Variants in DLGAP1 observed in about 807,000 individuals in gnomAD.
The protein encoded by DLGAP1 is disks large-associated protein 1.
DLGAP1 carries 11 observed loss-of-function variants against 90.8 expected under a neutral mutation model. That is an observed-to-expected ratio of 0.12 (90% CI 0.08 to 0.20). DLGAP1 has a LOEUF of 0.20. DLGAP1 is among the 10% of genes least tolerant of loss of function. DLGAP1 has a pLI of 1.00. For missense variants in DLGAP1, 1,050 were observed against 1,333.8 expected (o/e 0.79, Z 3.31); for synonymous variants, 558 against 540.7 (o/e 1.03, Z -0.44).
intron 8 of DLGAP1, among the ~76,000 whole-genome samples, chr18:3,572,719 G>A (rs2054885529): frequency 6.6e-6 from 1 of 152,088 alleles, no homozygotes; most frequent in Admixed American, 6.6e-5. Context: ...CAAAATACTG[G>A]GATTACAGGT....
At chr18:4,173,148 T>TGG (rs2077051109) in intron 1 of DLGAP1, among the ~76,000 whole-genome samples, 1 of 152,218 alleles carries the variant, frequency 6.6e-6, no homozygotes, top group Non-Finnish European at 1.5e-5. Context: ...GGTGATGATG[T>TGG]CATCCTGAGG....
At chr18:3,916,915 G>A (rs1281570131) in intron 3 of DLGAP1, among the ~76,000 whole-genome samples, 1 of 152,202 alleles carries the variant, frequency 6.6e-6, no homozygotes, top group Non-Finnish European at 1.5e-5. Flanking sequence ...TGATGGTTTG[G>A]TGTAGGATTT....
chr18:4,348,009 T>A (rs757109973), intron 1 of DLGAP1, among the ~76,000 whole-genome samples: 4 of 152,120 alleles, frequency 2.6e-5, no homozygotes, highest in South Asian at 2.1e-4. Context: ...TAATCCTTCA[T>A]GTACATTGCA....
chr18:3,685,280 G>T (rs2060656193), intron 7 of DLGAP1, among the ~76,000 whole-genome samples: 1 of 152,106 alleles, frequency 6.6e-6, no homozygotes, highest in South Asian at 2.1e-4. Context: ...CCAAAGATGG[G>T]GCCTGGTGTG....
intron 1 of DLGAP1, among the ~76,000 whole-genome samples, chr18:4,188,551 T>C (rs2077339736): frequency 6.6e-6 from 1 of 152,250 alleles, no homozygotes; most frequent in Admixed American, 6.5e-5. Flanking sequence ...CACTTATGAG[T>C]GAGAACATGT....
chr18:3,502,048 T>C, intron 12 of DLGAP1: 1 of 591,112 alleles, frequency 1.7e-6, no homozygotes, highest in Non-Finnish European at 2.1e-6. Context: ...TTTATTACTA[T>C]ATTTATGAAA....
chr18:3,633,401 C>CAAAA (rs60320308), intron 7 of DLGAP1, among the ~76,000 whole-genome samples: 1 of 61,994 alleles, frequency 1.6e-5, no homozygotes, highest in African/African-American at 5.1e-5. Flanking sequence ...GACTTCATCT[C>CAAAA]AAAAAAAAAA....
intron 2 of DLGAP1, among the ~76,000 whole-genome samples, chr18:4,076,619 G>T (rs2143545097): frequency 6.6e-6 from 1 of 151,780 alleles, no homozygotes; most frequent in African/African-American, 2.4e-5. Context: ...TTTCTTTATA[G>T]TATTATTATT....
At chr18:3,844,102 C>T (rs994110385) in intron 4 of DLGAP1, among the ~76,000 whole-genome samples, 27 of 152,082 alleles carry the variant, frequency 1.8e-4, no homozygotes, top group Admixed American at 7.2e-4. Context: ...GCCCACAGCT[C>T]GTCTCCCGTG....
intron 10 of DLGAP1, among the ~76,000 whole-genome samples, chr18:3,519,755 C>A (rs2051063954): frequency 6.6e-6 from 1 of 152,196 alleles, no homozygotes; most frequent in Non-Finnish European, 1.5e-5. Flanking sequence ...GGTTTGTCCC[C>A]TCTGGAGGAT....
chr18:3,919,065 C>T (rs1438511161), intron 3 of DLGAP1, among the ~76,000 whole-genome samples: 3 of 150,908 alleles, frequency 2.0e-5, no homozygotes, highest in Non-Finnish European at 2.9e-5. Context: ...AACATTAATA[C>T]CATGTCAAGA....
intron 5 of DLGAP1, among the ~76,000 whole-genome samples, chr18:3,805,803 G>A: frequency 6.6e-6 from 1 of 152,216 alleles, no homozygotes; most frequent in Admixed American, 6.5e-5. Context: ...ATATAACTCA[G>A]CTTGTTTCAA....
At chr18:3,567,358 A>C (rs1005582659) in intron 9 of DLGAP1, 132 bp downstream of exon 9, 16 of 717,304 alleles carry the variant, frequency 2.2e-5, no homozygotes, top group Non-Finnish European at 3.5e-5. Context: ...TATTGATTCA[A>C]CTTCACCCTT....
intron 9 of DLGAP1, among the ~76,000 whole-genome samples, chr18:3,551,493 C>A (rs191461674): frequency 1.5e-4 from 23 of 152,140 alleles, no homozygotes; most frequent in African/African-American, 5.3e-4. Flanking sequence ...AGGTGATCTG[C>A]CCTCCTGGCT....
At chr18:3,684,978 C>A (rs1409663388) in intron 7 of DLGAP1, among the ~76,000 whole-genome samples, 1 of 152,128 alleles carries the variant, frequency 6.6e-6, no homozygotes, top group African/African-American at 2.4e-5. Flanking sequence ...ATTGGGTATT[C>A]CTTTTAGTAG....
chr18:3,999,702 C>T (rs1013218971), intron 3 of DLGAP1, among the ~76,000 whole-genome samples: 4 of 68,932 alleles, frequency 5.8e-5, no homozygotes, highest in Admixed American at 2.0e-4. Context: ...TTTCAAGTGT[C>T]GCTTACAAAT....
intron 1 of DLGAP1, among the ~76,000 whole-genome samples, chr18:4,367,189 T>C (rs929022379): frequency 7.1e-6 from 1 of 140,490 alleles, no homozygotes; most frequent in Non-Finnish European, 1.5e-5. Context: ...TAGTATGTAA[T>C]ATAGTTATTC....
intron 5 of DLGAP1, among the ~76,000 whole-genome samples, chr18:3,760,948 C>T (rs1289287734): frequency 2.6e-5 from 4 of 152,302 alleles, no homozygotes; most frequent in Admixed American, 6.5e-5. Context: ...GGGTCCGTGA[C>T]ACTGTGCAAG....
Position 3,879,546 on chromosome 18 carries a change from C to T in DLGAP1, c.523G>A (p.Ala175Thr), listed in dbSNP as rs1298090103. 1 of 1,599,536 alleles carries T rather than the reference C, an allele frequency of 6.3e-7. No individual in the cohort carries two copies. The highest frequency in any genetic ancestry group is 8.5e-7 in the Non-Finnish European group (1 of 1,177,928). Residue 175 changes from alanine to threonine, a missense_variant, in exon 4 of 13, where the codon GCG becomes ACG. Around this residue, in one of 2 missense-constraint regions of DLGAP1, gnomAD observed 485 missense variants for 454.1 expected, o/e 1.07. Transcript: ENST00000315677. This position sits in a 1 kb window ranked among gnomAD's most constrained non-coding sequence, Gnocchi z 6.6. ...TTGCTGCGTTTGCCATAGCGCGCCG[C>T]CTGCGCCTCGTCAGGGCTGGCCTTG... The part of the protein sequence containing the change: ...GGKASPDEAQ[A>T]ARYGKRSKSK...
Sources: allele counts gnomAD v4.1 joint callset (sites outside exome capture counted in the v4.1 genomes callset), GRCh38; gene constraint gnomAD v4.1.1; regional missense constraint gnomAD v4.1.1; non-coding constraint Gnocchi (gnomAD v3.1); transcripts MANE v1.5; gene names NCBI Gene and HGNC (gene_info 2026-07-23, HGNC 2026-07-21).